RBFOX1: variants seen among roughly 807,000 people sequenced by gnomAD.
RBFOX1 encodes RNA binding protein fox-1 homolog 1.
A neutral mutation model predicts 57.7 loss-of-function variants in RBFOX1; 8 were observed. The observed-to-expected ratio is 0.14, with a 90% CI of 0.08 to 0.25. The LOEUF (loss-of-function observed/expected upper bound fraction) is 0.25. Ranked by LOEUF, RBFOX1 falls within the 10% of genes least tolerant of loss-of-function variation. The pLI is 1.00. For missense variants in RBFOX1, 611 were observed against 548.5 expected (o/e 1.11, Z -1.14); for synonymous variants, 326 against 222.4 (o/e 1.47, Z -4.15).
At chr16:5,860,210 G>A (rs1219182769) in intron 3 of RBFOX1, among the ~76,000 whole-genome samples, 1 of 152,118 alleles carries the variant, frequency 6.6e-6, no homozygotes, top group African/African-American at 2.4e-5. Flanking sequence ...AGCCTCCTGA[G>A]TAGCTGGGAT....
intron 2 of RBFOX1, among the ~76,000 whole-genome samples, chr16:6,445,639 G>A (rs2094469369): frequency 6.7e-6 from 1 of 149,682 alleles, no homozygotes; most frequent in Non-Finnish European, 1.5e-5. Flanking sequence ...ATGGCATGCA[G>A]TGGGACAATC....
At chr16:5,908,255 C>T (rs367650515) in intron 4 of RBFOX1, among the ~76,000 whole-genome samples, 12 of 118,472 alleles carry the variant, frequency 1.0e-4, no homozygotes, top group East Asian at 5.2e-4. Flanking sequence ...CATACACACA[C>T]ATATATACAC....
intron 3 of RBFOX1, chr16:5,838,211 C>T (rs2056521517): frequency 1.1e-5 from 2 of 190,072 alleles, no homozygotes; most frequent in South Asian, 1.1e-4. Flanking sequence ...CCACACATTA[C>T]GTAGGAGATG....
At chr16:5,402,535 C>T (rs1403524739) in intron 1 of RBFOX1, among the ~76,000 whole-genome samples, 1 of 152,216 alleles carries the variant, frequency 6.6e-6, no homozygotes, top group Admixed American at 6.5e-5. Flanking sequence ...TTTGTTATAA[C>T]ACATTTTCTA....
intron 1 of RBFOX1, among the ~76,000 whole-genome samples, chr16:6,145,196 C>T (rs1291962437): frequency 2.0e-5 from 3 of 152,084 alleles, no homozygotes; most frequent in Admixed American, 6.5e-5. Flanking sequence ...CCACCCTCCA[C>T]CCTAGGAAAG....
intron 1 of RBFOX1, among the ~76,000 whole-genome samples, chr16:5,435,003 G>T (rs1244876307): frequency 1.3e-5 from 2 of 152,144 alleles, no homozygotes; most frequent in African/African-American, 4.8e-5. Context: ...ATTTTCTCCT[G>T]TGACTGTCCT....
At chr16:7,311,478 C>CTTTTTT (rs1190746565) in intron 4 of RBFOX1, among the ~76,000 whole-genome samples, 8 of 122,502 alleles carry the variant, frequency 6.5e-5, no homozygotes, top group Admixed American at 8.8e-5. Context: ...TGAGCCTTTT[C>CTTTTTT]TTTTTTTTTT....
intron 2 of RBFOX1, among the ~76,000 whole-genome samples, chr16:6,360,124 G>T (rs750618946): frequency 6.6e-6 from 1 of 151,942 alleles, no homozygotes; most frequent in East Asian, 1.9e-4. Flanking sequence ...TTTCCAGTAT[G>T]CATCTGTTCT....
intron 3 of RBFOX1, among the ~76,000 whole-genome samples, chr16:5,843,373 G>A (rs544911584): frequency 7.9e-5 from 12 of 152,316 alleles, no homozygotes; most frequent in Admixed American, 3.9e-4. Flanking sequence ...TCCTACTTAT[G>A]AGGATATGAG....
chr16:6,498,276 A>G (rs1441556290), intron 2 of RBFOX1, among the ~76,000 whole-genome samples: 1 of 151,412 alleles, frequency 6.6e-6, no homozygotes. Flanking sequence ...AAAAAGGATG[A>G]CAATTCCAGA....
chr16:7,231,650 A>G (rs966703501), intron 4 of RBFOX1, among the ~76,000 whole-genome samples: 5 of 152,336 alleles, frequency 3.3e-5, no homozygotes, highest in Admixed American at 6.5e-5. Context: ...ATGCCTATCA[A>G]TAAATTTATC....
chr16:7,087,741 G>C (rs1357084012), intron 4 of RBFOX1, among the ~76,000 whole-genome samples: 3 of 152,104 alleles, frequency 2.0e-5, no homozygotes, highest in Non-Finnish European at 4.4e-5. Flanking sequence ...GACAGGAAAA[G>C]GCAAGATTTT....
intron 4 of RBFOX1, among the ~76,000 whole-genome samples, chr16:7,303,756 T>A (rs894346491): frequency 4.1e-5 from 6 of 146,052 alleles, no homozygotes; most frequent in Non-Finnish European, 9.1e-5. Context: ...TTACCCTCCC[T>A]CTCGCTCTCT....
chr16:6,282,713 A>C (rs1474351804), intron 1 of RBFOX1, among the ~76,000 whole-genome samples: 1 of 152,158 alleles, frequency 6.6e-6, no homozygotes, highest in African/African-American at 2.4e-5. Flanking sequence ...AAAGGACAGG[A>C]ACTCATTCCT....
chr16:6,824,871 A>C (rs1179029014), intron 3 of RBFOX1, among the ~76,000 whole-genome samples: 1 of 152,036 alleles, frequency 6.6e-6, no homozygotes, highest in East Asian at 1.9e-4. Flanking sequence ...TCAAAAGTGA[A>C]ATAATTGAAA....
At chr16:5,305,865 C>G (rs2063919836) in intron 1 of RBFOX1, among the ~76,000 whole-genome samples, 1 of 151,858 alleles carries the variant, frequency 6.6e-6, no homozygotes, top group East Asian at 1.9e-4. Flanking sequence ...TGGGACCAGT[C>G]TGGGAACATA....
chr16:5,987,802 A>T (rs568639647), intron 4 of RBFOX1, among the ~76,000 whole-genome samples: 1 of 152,208 alleles, frequency 6.6e-6, no homozygotes, highest in African/African-American at 2.4e-5. Flanking sequence ...AGCACCATTT[A>T]CTGAAAACTA....
intron 4 of RBFOX1, among the ~76,000 whole-genome samples, chr16:7,420,489 A>C (rs1414383320): frequency 6.6e-6 from 1 of 152,210 alleles, no homozygotes; most frequent in East Asian, 1.9e-4. Flanking sequence ...CTAAATCGAT[A>C]CATCTCTTGT....
At chr16:6,470,793 C>T (rs2881041) in intron 2 of RBFOX1, among the ~76,000 whole-genome samples, 105,914 of 152,022 alleles carry the variant, frequency 0.7, 37,033 homozygotes, top group South Asian at 0.8. Flanking sequence ...TTGTTTTTAT[C>T]CTTTTTTTAA....
Sources: allele counts gnomAD v4.1 joint callset (sites outside exome capture counted in the v4.1 genomes callset), GRCh38; gene constraint gnomAD v4.1.1; transcripts MANE v1.5; gene names NCBI Gene and HGNC (gene_info 2026-07-23, HGNC 2026-07-21).